Variants in OVCH1 observed in about 807,000 individuals in gnomAD.
OVCH1 encodes ovochymase-1.
OVCH1 carries 139 observed loss-of-function variants against 138.4 expected under a neutral mutation model. The observed-to-expected ratio is 1.00, with a 90% CI of 0.87 to 1.16. The LOEUF (loss-of-function observed/expected upper bound fraction) is 1.16, where lower values mean the gene tolerates loss of function less well. Ranked by LOEUF, OVCH1 falls within the 50% of genes most tolerant of loss-of-function variation. The pLI, the probability that OVCH1 is intolerant of heterozygous loss-of-function variation, is 0.00. For synonymous variants in OVCH1, 453 were observed against 467.8 expected, an observed-to-expected ratio of 0.97 and a Z score of 0.41; for missense variants, 1,367 against 1,357.9, an observed-to-expected ratio of 1.01 and a Z score of -0.11.
At chr12:29,479,452 C>G (rs1272717342) in intron 8 of OVCH1, among the ~76,000 whole-genome samples, 1 of 152,120 alleles carries the variant, frequency 6.6e-6, no homozygotes, top group African/African-American at 2.4e-5. Context: ...TGACTTTTTG[C>G]TAACATTTTT....
exon 18 of OVCH1, chr12:29,464,590 C>T: frequency 6.2e-7 from 1 of 1,613,594 alleles, no homozygotes; most frequent in Non-Finnish European, 8.5e-7. Context: ...ACATACTGGC[C>T]TCACCACCGA....
rs1261240265 is a variant in OVCH1, at chr12:29,483,318, A to G, written c.995+2928T>C. 2.0e-5 allele frequency among the ~76,000 whole-genome samples: 3 copies of G among 152,296 alleles called. No homozygotes were observed. The East Asian group carries it at 5.8e-4, about 29-fold the overall frequency. ...GTTCTAAATATCCTTCTAACAGCTT[A>G]AGCAAAGGTGGCAAAAGCTTTATTG... On this transcript the variant is annotated intron_variant, in intron 8 of 27. Coordinates refer to ENST00000318184, the Ensembl canonical transcript of OVCH1.
intron 22 of OVCH1, among the ~76,000 whole-genome samples, chr12:29,446,776 C>A (rs1941627912): frequency 6.6e-6 from 1 of 151,676 alleles, no homozygotes; most frequent in Admixed American, 6.6e-5. Context: ...GGTATAGAGT[C>A]ACTTTGCCAT....
the OVCH1 span, among the ~76,000 whole-genome samples, chr12:29,402,814 G>C: frequency 1.3e-5 from 2 of 152,076 alleles, no homozygotes; most frequent in African/African-American, 4.8e-5. Flanking sequence ...AAGGGAACAG[G>C]AGGTGGGGAA....
At chr12:29,489,539 C>A in intron 6 of OVCH1, 81 bp downstream of exon 6, 1 of 1,414,904 alleles carries the variant, frequency 7.1e-7, no homozygotes. Context: ...ATAGAAGAAA[C>A]ATGAGCTTCT....
Position 29,464,596 on chromosome 12 carries a change from A to C in OVCH1, c.2036T>G (p.Val679Gly), listed in dbSNP as rs1445171930. The change falls in exon 18 of 28, where the codon GTG (valine) becomes GGG (glycine). Residue 679 changes from valine to glycine, a missense_variant. Coordinates refer to ENST00000318184, the Ensembl canonical transcript of OVCH1. ...GTGTGGGAGACATACTGGCCTCACC[A>C]CCGAGTTGTACTCCAGAGGAGAGCT... is the stretch of plus-strand genomic sequence containing the variant. 1.2e-6 allele frequency: 2 copies of C among 1,613,700 alleles called. No individual in the cohort carries two copies. The highest frequency in any genetic ancestry group is 1.7e-6 in the Non-Finnish European group (2 of 1,179,730).
intron 19 of OVCH1, among the ~76,000 whole-genome samples, chr12:29,460,575 A>G (rs974487079): frequency 2.0e-5 from 3 of 152,132 alleles, no homozygotes; most frequent in Non-Finnish European, 4.4e-5. Context: ...CATTTCCCAC[A>G]GCAGCCCTCA....
chr12:29,406,164 GTAAT>G, the OVCH1 span, among the ~76,000 whole-genome samples: 1 of 151,596 alleles, frequency 6.6e-6, no homozygotes, highest in South Asian at 2.1e-4. Flanking sequence ...CAATTGGAGA[GTAAT>G]TACATAGAAA....
rs548586361 is a variant in OVCH1, at chr12:29,486,272, C to T, written c.969G>A (p.Val323=). The stretch of plus-strand genomic sequence containing the variant: ...TACCCTTTCCTCTCTGGCTTCCATT[C>T]ACTTCTTGGACAGAACTCAGGGCCT... Residue 323 remains valine (V), a synonymous_variant, in exon 8 of 28, where the codon GTG becomes GTA. Transcript: ENST00000318184. The T allele has an allele frequency of 1.8e-4, 284 of 1,613,672 alleles. No homozygotes were observed. The Admixed American group carries it at 4.6e-3, about 26-fold the overall frequency.
downstream of OVCH1, among the ~76,000 whole-genome samples, chr12:29,411,183 T>C (rs1236879417): frequency 1.0e-5 from 1 of 99,408 alleles, no homozygotes; most frequent in Non-Finnish European, 2.6e-5. Context: ...TTCTCTGTAT[T>C]GGTTATTCTA....
At chr12:29,459,104 A>G (rs1468018940) in intron 19 of OVCH1, among the ~76,000 whole-genome samples, 1 of 152,148 alleles carries the variant, frequency 6.6e-6, no homozygotes, top group African/African-American at 2.4e-5. Context: ...TAATACAAAT[A>G]CCATTGATCT....
At chr12:29,487,073 G>C (rs887529643) in intron 7 of OVCH1, 3 of 346,122 alleles carry the variant, frequency 8.7e-6, no homozygotes, top group Non-Finnish European at 1.7e-5. Context: ...ACTGCCATGA[G>C]AAAGCGATGG....
chr12:29,448,839 C>T lies in OVCH1; in HGVS notation c.2755+2506G>A, dbSNP rs112027853. ...ACCCTCAGAGCAGTTTCTCTGACCTCTATGCACTTCAGAATCAAGCATAAA... is the reference window on the plus strand; with the variant it reads ...ACCCTCAGAGCAGTTTCTCTGACCTTTATGCACTTCAGAATCAAGCATAAA... On this transcript the variant is annotated intron_variant, in intron 22 of 27. Transcript: ENST00000318184. Among the ~76,000 whole-genome samples the T allele has an allele frequency of 4.2e-3, 635 of 152,240 alleles. 5 individuals are homozygous for T. Among genetic ancestry groups the T allele is most frequent in the African/African-American group, 0.015 (606 of 41,538 alleles).
intron 22 of OVCH1, among the ~76,000 whole-genome samples, chr12:29,446,080 T>C (rs1941606282): frequency 6.6e-6 from 1 of 152,176 alleles, no homozygotes; most frequent in Admixed American, 6.6e-5. Flanking sequence ...CCCATTTCAT[T>C]TTTTCTTCCT....
intron 1 of OVCH1, among the ~76,000 whole-genome samples, chr12:29,497,361 G>T (rs1236943049): frequency 6.6e-6 from 1 of 152,170 alleles, no homozygotes; most frequent in Non-Finnish European, 1.5e-5. Context: ...AGGTTTCCTT[G>T]GAGGAGGCTC....
chr12:29,487,753 G>A, exon 7 of OVCH1: 1 of 1,606,736 alleles, frequency 6.2e-7, no homozygotes, highest in South Asian at 1.1e-5. Flanking sequence ...AAAATGCCAA[G>A]TGATGCCTTC....
chr12:29,495,510 T>G (rs1943391255), intron 3 of OVCH1, 53 bp from the exon 4 acceptor site: 1 of 1,504,974 alleles, frequency 6.6e-7, no homozygotes, highest in African/African-American at 1.4e-5. Flanking sequence ...ACGCAAGTCT[T>G]CTTGGTTTGA....
intron 5 of OVCH1, 58 bp from the exon 6 acceptor site, chr12:29,489,829 G>A: frequency 6.5e-7 from 1 of 1,528,538 alleles, no homozygotes; most frequent in Non-Finnish European, 8.9e-7. Flanking sequence ...CAAATTAATG[G>A]GAAGTCTACA....
intron 25 of OVCH1, chr12:29,439,584 T>A (rs1175448379): frequency 9.5e-7 from 1 of 1,057,566 alleles, no homozygotes; most frequent in Non-Finnish European, 1.3e-6. Context: ...TCACACCAGA[T>A]GTATGGGATT....
Sources: allele counts gnomAD v4.1 joint callset (sites outside exome capture counted in the v4.1 genomes callset), GRCh38; gene constraint gnomAD v4.1.1; transcripts MANE v1.5; gene names NCBI Gene and HGNC (gene_info 2026-07-23, HGNC 2026-07-21).